GLCE: variants seen among roughly 807,000 people sequenced by gnomAD.
The protein encoded by GLCE is D-glucuronyl C5-epimerase.
In GLCE, 19 loss-of-function variants were observed where a neutral mutation model predicts 47.9. The observed-to-expected ratio is 0.40, with a 90% CI of 0.28 to 0.58. GLCE has a LOEUF of 0.58. GLCE is among the 20% of genes least tolerant of loss of function. The pLI is 0.48. For missense variants in GLCE, 556 were observed against 743.3 expected (o/e 0.75, Z 2.93); for synonymous variants, 245 against 263.4 (o/e 0.93, Z 0.68).
intron 2 of GLCE, among the ~76,000 whole-genome samples, chr15:69,220,441 C>T (rs1595762703): frequency 6.6e-6 from 1 of 152,028 alleles, no homozygotes; most frequent in Non-Finnish European, 1.5e-5. Context: ...TTCTTTACAT[C>T]CTTGTCAGCA....
At chr15:69,240,907 A>G (rs1473760876) in intron 2 of GLCE, among the ~76,000 whole-genome samples, 1 of 152,216 alleles carries the variant, frequency 6.6e-6, no homozygotes, top group Non-Finnish European at 1.5e-5. Context: ...CAATTATTAA[A>G]CACACAATGG....
intron 4 of GLCE, among the ~76,000 whole-genome samples, chr15:69,262,370 A>G (rs540325946): frequency 6.6e-6 from 1 of 152,368 alleles, no homozygotes; most frequent in East Asian, 1.9e-4. Flanking sequence ...TGAGTGAGAA[A>G]GTACAACTAA....
At position 69,231,868 on chromosome 15, in the gene GLCE, C is replaced by G. The variant is rs367852907; in HGVS notation, c.-14+21462C>G. On this transcript the variant is annotated intron_variant, in intron 2 of 4. Coordinates refer to ENST00000261858, the MANE Select transcript of GLCE (RefSeq NM_015554.3). ...AGTGCAATGGCATGATCTCTGCTCA[C>G]TGCAGCCTCTGCCTCTTGGGTTCAA... is the stretch of plus-strand genomic sequence containing the variant. 7.2e-5 allele frequency among the ~76,000 whole-genome samples: 11 copies of G among 152,320 alleles called. No individual in the cohort carries two copies. The East Asian group carries it at 1.4e-3, about 19-fold the overall frequency.
At chr15:69,223,082 A>G (rs2052399126) in intron 2 of GLCE, among the ~76,000 whole-genome samples, 2 of 152,318 alleles carry the variant, frequency 1.3e-5, no homozygotes, top group South Asian at 4.1e-4. Context: ...GTAGTCTCTT[A>G]GGTTGTATAG....
intron 1 of GLCE, among the ~76,000 whole-genome samples, chr15:69,175,396 A>G (rs1216132351): frequency 6.6e-6 from 1 of 152,190 alleles, no homozygotes; most frequent in African/African-American, 2.4e-5. Flanking sequence ...TCAAAACGAA[A>G]TTTCTTTTTA....
chr15:69,263,426 T>C (rs79549011), intron 4 of GLCE, among the ~76,000 whole-genome samples: 3,214 of 151,842 alleles, frequency 0.021, 122 homozygotes, highest in African/African-American at 0.071. Flanking sequence ...ATGCTGTTGG[T>C]CTTTTTTTTT....
At chr15:69,175,173 A>G (rs911019704) in intron 1 of GLCE, among the ~76,000 whole-genome samples, 1 of 152,114 alleles carries the variant, frequency 6.6e-6, no homozygotes, top group Non-Finnish European at 1.5e-5. Flanking sequence ...TATGATCTTT[A>G]GTCTTCATCT....
At chr15:69,184,018 G>C (rs2051787692) in intron 1 of GLCE, among the ~76,000 whole-genome samples, 1 of 152,232 alleles carries the variant, frequency 6.6e-6, no homozygotes, top group Non-Finnish European at 1.5e-5. Context: ...ATTATTTGAT[G>C]TTGGAGAATA....
At chr15:69,236,743 A>C (rs1256670878) in intron 2 of GLCE, among the ~76,000 whole-genome samples, 1 of 152,210 alleles carries the variant, frequency 6.6e-6, no homozygotes, top group Non-Finnish European at 1.5e-5. Context: ...CTAGTGTACT[A>C]ATGAGAAAAC....
chr15:69,191,722 C>T (rs2051916180), intron 1 of GLCE, among the ~76,000 whole-genome samples: 1 of 152,104 alleles, frequency 6.6e-6, no homozygotes, highest in Non-Finnish European at 1.5e-5. Context: ...CAGTAAAACA[C>T]CCTTTTTAGT....
At chr15:69,234,166 G>A (rs982276518) in intron 2 of GLCE, among the ~76,000 whole-genome samples, 3 of 151,848 alleles carry the variant, frequency 2.0e-5, no homozygotes, top group African/African-American at 4.8e-5. Context: ...TTAGTAGAGA[G>A]GAGGTTTCAC....
chr15:69,269,457 T>C lies in GLCE; in HGVS notation c.*213T>C. On this transcript the variant is annotated 3_prime_UTR_variant, in exon 5 of 5. Coordinates refer to ENST00000261858, the MANE Select transcript of GLCE (RefSeq NM_015554.3). ...GTAGGTGGCATTTAGAACACAATGT[T>C]TAATCAATGGGCTGAACAAAGATGC... 1 of 568,482 alleles carries C rather than the reference T, an allele frequency of 1.8e-6. No homozygotes were observed. The highest frequency in any genetic ancestry group is 3.1e-6 in the Non-Finnish European group (1 of 320,278). The allele number at this position is 568,482 out of a possible 1,614,324, so 35.2% of individuals were successfully genotyped here. A position where few individuals can be genotyped will look rare whatever the true frequency, so the allele number is the denominator to read the frequency against.
At chr15:69,172,896 ATATGT>A (rs1316225883) in intron 1 of GLCE, among the ~76,000 whole-genome samples, 2 of 152,346 alleles carry the variant, frequency 1.3e-5, no homozygotes, top group East Asian at 1.9e-4. Context: ...TTGTTACGAA[ATATGT>A]TATAAGATTT....
intron 2 of GLCE, among the ~76,000 whole-genome samples, chr15:69,232,013 G>A (rs1281708535): frequency 2.0e-5 from 3 of 151,916 alleles, no homozygotes; most frequent in Admixed American, 6.6e-5. Context: ...GGCTGGTCTC[G>A]AACTCCTAAC....
At chr15:69,252,800 T>C (rs149247430) in intron 2 of GLCE, among the ~76,000 whole-genome samples, 16 of 152,262 alleles carry the variant, frequency 1.1e-4, no homozygotes, top group Non-Finnish European at 2.2e-4. Flanking sequence ...CACCATTTAG[T>C]GTTATCAGTT....
chr15:69,263,229 G>A lies in GLCE; in HGVS notation c.829+1900G>A, dbSNP rs1312860835. On this transcript the variant is annotated intron_variant, in intron 4 of 4. Coordinates refer to ENST00000261858, the MANE Select transcript of GLCE (RefSeq NM_015554.3). ...TACATGGGAGTTATTGCTCAGAACA[G>A]AGCAGGAGAAGGGAATCAAAGAGGT... Among the ~76,000 whole-genome samples, 3 of 152,160 alleles carry A rather than the reference G, an allele frequency of 2.0e-5. No homozygotes were observed. The East Asian group carries it at 5.8e-4, about 29-fold the overall frequency.
At chr15:69,250,994 A>G (rs2052836892) in intron 2 of GLCE, among the ~76,000 whole-genome samples, 1 of 152,122 alleles carries the variant, frequency 6.6e-6, no homozygotes, top group Non-Finnish European at 1.5e-5. Context: ...GTCCAGAACC[A>G]AGTTTCACAT....
Position 69,256,295 on chromosome 15 carries a change from A to G in GLCE, c.489A>G (p.Ala163=), listed in dbSNP as rs2052923828. The change falls in exon 3 of 5, where the codon GCA becomes GCG. Residue 163 remains alanine, a synonymous_variant. Coordinates refer to ENST00000261858, the MANE Select transcript of GLCE (RefSeq NM_015554.3). ...EFSHSYSKVY[A]QRAPYHPDGV... ...CTCATAGCTATTCCAAAGTCTATGC[A>G]CAGAGAGCCCCCTATCACCCCGATG... 3 of 1,614,044 alleles carry G rather than the reference A, an allele frequency of 1.9e-6. No homozygotes were observed. In the Admixed American group the frequency reaches 5.0e-5, roughly 27 times the overall value.
At chr15:69,204,457 G>C (rs2052122294) in intron 1 of GLCE, among the ~76,000 whole-genome samples, 1 of 151,556 alleles carries the variant, frequency 6.6e-6, no homozygotes, top group African/African-American at 2.4e-5. Context: ...TAATTTTTTT[G>C]TATTTTTGGT....
Sources: allele counts gnomAD v4.1 joint callset (sites outside exome capture counted in the v4.1 genomes callset), GRCh38; gene constraint gnomAD v4.1.1; transcripts MANE v1.5; gene names NCBI Gene and HGNC (gene_info 2026-07-23, HGNC 2026-07-21).